Variants in TMEM132B observed in about 807,000 individuals in gnomAD.
The protein encoded by TMEM132B is transmembrane protein 132B.
In TMEM132B, 18 loss-of-function variants were observed where a neutral mutation model predicts 90.8. The observed-to-expected ratio is 0.20, with a 90% CI of 0.14 to 0.29. The LOEUF (loss-of-function observed/expected upper bound fraction) is 0.29. Ranked by LOEUF, TMEM132B falls within the 10% of genes least tolerant of loss-of-function variation. The pLI is 1.00. For synonymous variants in TMEM132B, 504 were observed against 523.3 expected (o/e 0.96, Z 0.50); for missense variants, 1,096 against 1,326.8 (o/e 0.83, Z 2.70).
Position 125,186,719 on chromosome 12 carries a change from G to T in TMEM132B, c.-81G>T, listed in dbSNP as rs1957762465. ...GCCCGGCGCCCGGGCGTAGCCGCCG[G>T]GGGCTGCTCCGGGAGCCGCGGGCCG... On this transcript the variant is annotated 5_prime_UTR_variant, in exon 1 of 9. Transcript: ENST00000682704. The surrounding 1 kb of genome is among the most constrained non-coding windows in gnomAD (Gnocchi z 6.3). The T allele has an allele frequency of 6.8e-6, 1 of 146,726 alleles. No homozygotes were observed. The allele number at this position is 146,726 out of a possible 1,614,324, so 9.1% of individuals were successfully genotyped here. A position where few individuals can be genotyped will look rare whatever the true frequency, so the allele number is the denominator to read the frequency against.
In TMEM132B at chr12:125,584,177, G is replaced by C. The variant is rs1885123515; in HGVS notation, c.1437+183G>C. On this transcript the variant is annotated intron_variant, in intron 5 of 8. Coordinates refer to ENST00000682704, the MANE Select transcript of TMEM132B (RefSeq NM_001366854.1). The stretch of plus-strand genomic sequence containing the variant: ...TCCCTGGAATCAGCAGGCGGCTGCA[G>C]CAGGTGATGCTGCTTCCCTCTCCCT... 3 of 757,318 alleles carry C rather than the reference G, an allele frequency of 4.0e-6. No individual in the cohort carries two copies. In the East Asian group the frequency reaches 7.8e-5, roughly 20 times the overall value. The allele number at this position is 757,318 out of a possible 1,614,324, so 46.9% of individuals were successfully genotyped here.
intron 3 of TMEM132B, among the ~76,000 whole-genome samples, chr12:125,435,357 T>C (rs1210214407): frequency 6.6e-6 from 1 of 152,050 alleles, no homozygotes; most frequent in Non-Finnish European, 1.5e-5. Context: ...GGACCATAAT[T>C]AAAGAGAGAC....
intron 5 of TMEM132B, among the ~76,000 whole-genome samples, chr12:125,625,167 C>G (rs1176523188): frequency 1.6e-5 from 2 of 122,162 alleles, no homozygotes; most frequent in African/African-American, 3.2e-5. Flanking sequence ...GAGTCTCGCT[C>G]TGTTGCCCAG....
chr12:125,204,281 C>G, intron 1 of TMEM132B, among the ~76,000 whole-genome samples: 1 of 140,696 alleles, frequency 7.1e-6, no homozygotes, highest in Non-Finnish European at 1.6e-5. Flanking sequence ...TGTGGAGTAT[C>G]TCATGAATCC....
intron 5 of TMEM132B, among the ~76,000 whole-genome samples, chr12:125,613,234 TAATATAG>T (rs1885905672): frequency 7.5e-6 from 1 of 133,358 alleles, no homozygotes; most frequent in African/African-American, 2.8e-5. Flanking sequence ...TATATATATA[TAATATAG>T]TGGGTGTTTA....
At chr12:125,237,966 G>A (rs1279796063) in intron 1 of TMEM132B, among the ~76,000 whole-genome samples, 3 of 152,282 alleles carry the variant, frequency 2.0e-5, no homozygotes, top group Middle Eastern at 3.4e-3. Flanking sequence ...GAGCAGACTC[G>A]ATGTCCCAAG....
intron 1 of TMEM132B, among the ~76,000 whole-genome samples, chr12:125,337,423 T>A (rs937532951): frequency 6.6e-6 from 1 of 152,186 alleles, no homozygotes; most frequent in East Asian, 1.9e-4. Flanking sequence ...GGCTTTGTCA[T>A]GCCCTAGGGC....
intron 1 of TMEM132B, among the ~76,000 whole-genome samples, chr12:125,249,962 G>T (rs958729359): frequency 1.3e-5 from 2 of 151,532 alleles, no homozygotes; most frequent in African/African-American, 4.9e-5. Flanking sequence ...TGGTTACAAG[G>T]CTGAGTTCCC....
chr12:125,563,146 C>CATAATAATA lies in TMEM132B; in HGVS notation c.1294-20705_1294-20704insATAATAATA, dbSNP rs759147385. Among the ~76,000 whole-genome samples, 880 of 92,540 alleles carry CATAATAATA rather than the reference C, an allele frequency of 9.5e-3. 7 individuals are homozygous for CATAATAATA. The highest frequency in any genetic ancestry group is 0.026 in the African/African-American group (710 of 27,762). The allele number at this position is 92,540 out of a possible 152,430, so 60.7% of individuals were successfully genotyped here. A position where few individuals can be genotyped will look rare whatever the true frequency, so the allele number is the denominator to read the frequency against. On this transcript the variant is annotated intron_variant, in intron 4 of 8. Transcript: ENST00000682704. Reference sequence around the variant, plus strand: ...TCAGTGATCACAGGTCACCATAATGCGTAATAATAATAATAATAATAATAA... The same window carrying CATAATAATA: ...TCAGTGATCACAGGTCACCATAATGCATAATAATAGTAATAATAATAATAATAATAATAA...
intron 1 of TMEM132B, chr12:125,326,599 G>A (rs776046337): frequency 1.2e-5 from 20 of 1,600,044 alleles, no homozygotes; most frequent in African/African-American, 2.7e-5. Flanking sequence ...TGGTGCCCTC[G>A]CCTCAGCTCC....
intron 2 of TMEM132B, among the ~76,000 whole-genome samples, chr12:125,400,647 G>A (rs543929948): frequency 6.6e-6 from 1 of 152,358 alleles, no homozygotes; most frequent in Admixed American, 6.5e-5. Context: ...TCTCAGCAGA[G>A]TCTGACGTTA....
intron 1 of TMEM132B, among the ~76,000 whole-genome samples, chr12:125,275,116 C>T (rs1019043029): frequency 3.3e-5 from 5 of 152,156 alleles, no homozygotes; most frequent in African/African-American, 1.2e-4. Context: ...TTCAAAGCGC[C>T]GTCCCAAACC....
At chr12:125,216,139 A>G (rs997169163) in intron 1 of TMEM132B, among the ~76,000 whole-genome samples, 14 of 152,252 alleles carry the variant, frequency 9.2e-5, no homozygotes, top group African/African-American at 2.9e-4. Context: ...AGAGTGGTTT[A>G]AACAACAGAA....
At chr12:125,401,378 C>T (rs1483710055) in intron 2 of TMEM132B, among the ~76,000 whole-genome samples, 4 of 152,122 alleles carry the variant, frequency 2.6e-5, no homozygotes, top group South Asian at 2.1e-4. Flanking sequence ...ATATTGGGTA[C>T]GGTTTAGTGC....
At chr12:125,639,943 C>CG (rs1886585781) in intron 5 of TMEM132B, among the ~76,000 whole-genome samples, 1 of 152,146 alleles carries the variant, frequency 6.6e-6, no homozygotes, top group Non-Finnish European at 1.5e-5. Context: ...GCCTCAAAGT[C>CG]GGGGGGTCCA....
intron 1 of TMEM132B, among the ~76,000 whole-genome samples, chr12:125,231,208 CGTGTGTGTGTGT>C (rs140099684): frequency 3.4e-5 from 5 of 146,448 alleles, no homozygotes; most frequent in African/African-American, 7.6e-5. Flanking sequence ...GGCTGTCTTC[CGTGTGTGTGTGT>C]GTGTGTGTGT....
intron 1 of TMEM132B, among the ~76,000 whole-genome samples, chr12:125,230,058 G>C (rs1003899744): frequency 6.6e-6 from 1 of 152,228 alleles, no homozygotes; most frequent in South Asian, 2.1e-4. Context: ...GCGGAGGATG[G>C]TTCCTCAAAG....
chr12:125,582,835 A>G (rs563242061), intron 4 of TMEM132B, among the ~76,000 whole-genome samples: 21 of 146,846 alleles, frequency 1.4e-4, no homozygotes, highest in African/African-American at 5.2e-4. Flanking sequence ...TTTCCAGATC[A>G]GAGAACCCAG....
intron 3 of TMEM132B, among the ~76,000 whole-genome samples, chr12:125,467,554 C>T (rs946175511): frequency 6.6e-6 from 1 of 152,150 alleles, no homozygotes; most frequent in African/African-American, 2.4e-5. Context: ...GTTCATGAGT[C>T]CTCCTACACA....
Sources: gnomAD v4.1 joint callset for allele counts (sites outside exome capture counted in the v4.1 genomes callset) on GRCh38, gnomAD v4.1.1 for gene constraint, Gnocchi (gnomAD v3.1) non-coding constraint, MANE v1.5 for transcripts, NCBI Gene and HGNC (gene_info 2026-07-23, HGNC 2026-07-21) for gene names.